Variants in KCNQ5 observed in about 807,000 individuals in gnomAD.
KCNQ5 encodes potassium voltage-gated channel subfamily KQT member 5.
Under a neutral mutation model 98.2 loss-of-function variants are expected in KCNQ5, and 30 were observed. That is an observed-to-expected ratio of 0.31 (90% CI 0.23 to 0.41). The LOEUF (loss-of-function observed/expected upper bound fraction) is 0.41. Ranked by LOEUF, KCNQ5 falls within the 10% of genes least tolerant of loss-of-function variation. The pLI is 1.00. For missense variants in KCNQ5, 835 were observed against 1,182.5 expected (o/e 0.71, Z 4.31); for synonymous variants, 458 against 449.4 (o/e 1.02, Z -0.24).
intron 2 of KCNQ5, among the ~76,000 whole-genome samples, chr6:73,007,465 C>T (rs2211387): frequency 0.13 from 20,034 of 152,168 alleles, 1,800 homozygotes; most frequent in East Asian, 0.26. Flanking sequence ...AGGATTCTGT[C>T]TCCCCACCTA....
chr6:73,020,748 T>TACAA (rs2150338811), intron 2 of KCNQ5, among the ~76,000 whole-genome samples: 1 of 152,238 alleles, frequency 6.6e-6, no homozygotes, highest in Non-Finnish European at 1.5e-5. Context: ...CTTATCACTT[T>TACAA]GAAGATTCTA....
chr6:73,152,819 T>C (rs1264007077), intron 10 of KCNQ5, among the ~76,000 whole-genome samples: 1 of 152,190 alleles, frequency 6.6e-6, no homozygotes, highest in Admixed American at 6.5e-5. Context: ...ACTGATCAGA[T>C]TCCCCAGAGA....
intron 1 of KCNQ5, among the ~76,000 whole-genome samples, chr6:72,814,915 C>T (rs1048239180): frequency 2.0e-5 from 3 of 152,040 alleles, no homozygotes; most frequent in Non-Finnish European, 4.4e-5. Flanking sequence ...AAGTAGGAAA[C>T]GGTTTGGTGT....
At chr6:72,848,109 G>A (rs1239635534) in intron 1 of KCNQ5, among the ~76,000 whole-genome samples, 2 of 151,938 alleles carry the variant, frequency 1.3e-5, no homozygotes, top group Non-Finnish European at 2.9e-5. Flanking sequence ...GGACACCAGA[G>A]CTGTGGTATT....
At chr6:73,034,847 T>TC (rs1562139167) in intron 2 of KCNQ5, among the ~76,000 whole-genome samples, 181 of 147,698 alleles carry the variant, frequency 1.2e-3, no homozygotes, top group African/African-American at 4.4e-3. Flanking sequence ...TTCTTTTTTT[T>TC]TTTTTTTTTT....
intron 2 of KCNQ5, among the ~76,000 whole-genome samples, chr6:73,027,768 G>T (rs1770956777): frequency 1.3e-5 from 2 of 152,122 alleles, no homozygotes; most frequent in African/African-American, 4.8e-5. Context: ...AACTCTAGTG[G>T]TATAATCACA....
At chr6:73,024,381 T>TAGATAGATA (rs57909943) in intron 2 of KCNQ5, among the ~76,000 whole-genome samples, 3 of 120,654 alleles carry the variant, frequency 2.5e-5, no homozygotes, top group Middle Eastern at 3.9e-3. Flanking sequence ...GATAGATAGA[T>TAGATAGATA]GATAGATAGA....
At chr6:73,042,583 A>G (rs923972995) in intron 3 of KCNQ5, among the ~76,000 whole-genome samples, 1 of 152,164 alleles carries the variant, frequency 6.6e-6, no homozygotes, top group African/African-American at 2.4e-5. Context: ...GATTATAAGT[A>G]TGGTTTGCTT....
Position 72,761,596 on chromosome 6 carries a change from C to T in KCNQ5, c.398+139009C>T, listed in dbSNP as rs547126583. Among the ~76,000 whole-genome samples the T allele has an allele frequency of 7.9e-5, 12 of 151,402 alleles. No individual in the cohort carries two copies. In the South Asian group the frequency reaches 2.5e-3, roughly 32 times the overall value. ...TAAACATAAAGGTTTATAAAGTCAC[C>T]ATTTTTATAATTATTCTATAATTAT... On this transcript the variant is annotated intron_variant, in intron 1 of 13. Transcript: ENST00000370398.
intron 1 of KCNQ5, among the ~76,000 whole-genome samples, chr6:72,898,882 G>A (rs184743214): frequency 1.2e-3 from 184 of 152,256 alleles, no homozygotes; most frequent in African/African-American, 3.8e-3. Context: ...ACTGGTATGA[G>A]ATGGTATCTC....
chr6:73,185,259 G>C (rs1305807490), intron 11 of KCNQ5, among the ~76,000 whole-genome samples: 2 of 152,148 alleles, frequency 1.3e-5, no homozygotes, highest in Non-Finnish European at 2.9e-5. Flanking sequence ...AAGGCTCACT[G>C]TAGCCTCGAC....
At chr6:72,951,340 G>C (rs1054717579) in intron 1 of KCNQ5, among the ~76,000 whole-genome samples, 4 of 152,060 alleles carry the variant, frequency 2.6e-5, no homozygotes, top group Non-Finnish European at 5.9e-5. Flanking sequence ...GCAGTGGTGC[G>C]ATCTCAGCTC....
chr6:72,680,029 C>T (rs757875281), intron 1 of KCNQ5, among the ~76,000 whole-genome samples: 1 of 152,102 alleles, frequency 6.6e-6, no homozygotes, highest in Admixed American at 6.5e-5. Flanking sequence ...GGTGACAGAG[C>T]AAGGCTCCAT....
chr6:73,132,952 A>G (rs1289062775), intron 9 of KCNQ5, among the ~76,000 whole-genome samples: 3 of 152,264 alleles, frequency 2.0e-5, no homozygotes, highest in African/African-American at 7.2e-5. Context: ...TGCCTGGAAT[A>G]TAAAATGCAT....
chr6:72,631,918 A>C (rs555334921), intron 1 of KCNQ5, among the ~76,000 whole-genome samples: 1 of 152,274 alleles, frequency 6.6e-6, no homozygotes, highest in East Asian at 1.9e-4. Flanking sequence ...CCTCCGAATA[A>C]CCCTAATAAG....
At chr6:73,189,560 T>C (rs550203325) in intron 11 of KCNQ5, among the ~76,000 whole-genome samples, 3 of 152,336 alleles carry the variant, frequency 2.0e-5, no homozygotes, top group Non-Finnish European at 4.4e-5. Context: ...TCTTAGTGAC[T>C]GATTCCCAGC....
chr6:72,867,773 T>TAAA, intron 1 of KCNQ5, among the ~76,000 whole-genome samples: 1 of 144,374 alleles, frequency 6.9e-6, no homozygotes, highest in Non-Finnish European at 1.5e-5. Flanking sequence ...CCCCTTCTCT[T>TAAA]AAAAAAAAAA....
chr6:72,804,738 A>G (rs972243627), intron 1 of KCNQ5, among the ~76,000 whole-genome samples: 1 of 152,098 alleles, frequency 6.6e-6, no homozygotes, highest in African/African-American at 2.4e-5. Flanking sequence ...GGAACCTCCA[A>G]CTGTTCTCCA....
chr6:72,788,614 A>G (rs1002966104), intron 1 of KCNQ5, among the ~76,000 whole-genome samples: 2 of 152,202 alleles, frequency 1.3e-5, no homozygotes, highest in Non-Finnish European at 2.9e-5. Flanking sequence ...AAAATATTTT[A>G]TTGTTTGAAC....
Sources: gnomAD v4.1 joint callset for allele counts (sites outside exome capture counted in the v4.1 genomes callset) on GRCh38, gnomAD v4.1.1 for gene constraint, MANE v1.5 for transcripts, NCBI Gene and HGNC (gene_info 2026-07-23, HGNC 2026-07-21) for gene names.